SPECC1: variants seen among roughly 807,000 people sequenced by gnomAD.
SPECC1 encodes sperm antigen with calponin homology and coiled-coil domains 1.
A neutral mutation model predicts 104.1 loss-of-function variants in SPECC1; 62 were observed. The observed-to-expected ratio is 0.60, with a 90% confidence interval of 0.49 to 0.74. The LOEUF (loss-of-function observed/expected upper bound fraction) is 0.74. SPECC1 is among the 30% of genes least tolerant of loss of function. The probability of loss-of-function intolerance (pLI) is 0.00; values close to 1 mark genes in which losing one functional copy is unlikely to be tolerated. For missense variants in SPECC1, 1,306 were observed against 1,310.5 expected (o/e 1.00, Z 0.05); for synonymous variants, 513 against 501.6 (o/e 1.02, Z -0.30).
chr17:20,090,830 CTT>C (rs924313041), intron 1 of SPECC1, among the ~76,000 whole-genome samples: 2 of 152,136 alleles, frequency 1.3e-5, no homozygotes, highest in Admixed American at 1.3e-4. Flanking sequence ...TAGCCTCTCT[CTT>C]GGGTCTGCAT....
intron 1 of SPECC1, among the ~76,000 whole-genome samples, chr17:20,011,468 A>C (rs1195146293): frequency 6.6e-6 from 1 of 152,108 alleles, no homozygotes; most frequent in Non-Finnish European, 1.5e-5. Flanking sequence ...ATCTGTATGT[A>C]TCTGTATGTT....
chr17:20,014,884 A>G (rs972228322), intron 1 of SPECC1, among the ~76,000 whole-genome samples: 3 of 152,028 alleles, frequency 2.0e-5, no homozygotes, highest in Non-Finnish European at 4.4e-5. Context: ...CCTCCCAAGT[A>G]GTTGGGATTA....
intron 7 of SPECC1, among the ~76,000 whole-genome samples, chr17:20,241,886 A>C (rs2039219063): frequency 6.6e-6 from 1 of 152,228 alleles, no homozygotes; most frequent in African/African-American, 2.4e-5. Flanking sequence ...GAATGAGCAA[A>C]GGCACAGAGG....
chr17:20,298,984 G>GTGTGTGTGTGTGTGT (rs1395919924), intron 13 of SPECC1, among the ~76,000 whole-genome samples: 1,323 of 76,264 alleles, frequency 0.017, 222 homozygotes, highest in South Asian at 0.039. Flanking sequence ...TGTAGAGAGA[G>GTGTGTGTGTGTGTGT]AGAGAGAGAG....
chr17:20,137,955 G>A (rs546439223), intron 3 of SPECC1, among the ~76,000 whole-genome samples: 4 of 150,070 alleles, frequency 2.7e-5, no homozygotes, highest in East Asian at 2.0e-4. Context: ...GTGAGCCACC[G>A]TACCCAGCCC....
At chr17:20,076,558 A>G (rs1295160549) in intron 1 of SPECC1, among the ~76,000 whole-genome samples, 1 of 152,212 alleles carries the variant, frequency 6.6e-6, no homozygotes, top group Non-Finnish European at 1.5e-5. Context: ...TCCATAAGTT[A>G]TTTAACTATT....
intron 1 of SPECC1, among the ~76,000 whole-genome samples, chr17:20,035,973 G>A (rs1032812989): frequency 4.6e-5 from 7 of 151,738 alleles, no homozygotes; most frequent in African/African-American, 1.7e-4. Flanking sequence ...ACACATGCCT[G>A]GCTAATTTAT....
intron 3 of SPECC1, chr17:20,156,241 G>T (rs1366760253): frequency 7.3e-7 from 1 of 1,365,898 alleles, no homozygotes; most frequent in African/African-American, 1.5e-5. Context: ...AACCAGGTCT[G>T]TGCGGCTGGC....
chr17:20,166,661 G>A lies in SPECC1; in HGVS notation c.284-37672G>A, dbSNP rs76532176. ...AGAAAAGAAACAACAAAAGAAATCT[G>A]GGATAACCGGAGGGAGTTTTTAAAA... On this transcript the variant is annotated intron_variant, in intron 3 of 14. Transcript: ENST00000395527. 6.7e-3 allele frequency among the ~76,000 whole-genome samples: 1,019 copies of A among 152,226 alleles called. 9 individuals carry two copies. The highest frequency in any genetic ancestry group is 0.023 in the African/African-American group (962 of 41,528).
At chr17:20,154,576 C>T (rs1271338143) in intron 3 of SPECC1, among the ~76,000 whole-genome samples, 1 of 152,148 alleles carries the variant, frequency 6.6e-6, no homozygotes, top group Non-Finnish European at 1.5e-5. Flanking sequence ...TATTCAGGGC[C>T]TTGGAGGCCA....
chr17:20,071,309 C>G (rs2046542929), intron 1 of SPECC1, among the ~76,000 whole-genome samples: 1 of 152,074 alleles, frequency 6.6e-6, no homozygotes, highest in Non-Finnish European at 1.5e-5. Flanking sequence ...ATTCCTGAAC[C>G]ATGCCATTGT....
At position 20,157,081 on chromosome 17, in the gene SPECC1, AGGACTTT is replaced by A. The variant is rs879394572; in HGVS notation, c.283+46521_283+46527del. On this transcript the variant is annotated intron_variant, in intron 3 of 14. Coordinates refer to ENST00000395527, the MANE Select transcript of SPECC1 (RefSeq NM_001243439.2). ...TAATATTTGAATTTTAATTTGAATG[AGGACTTT>A]GAGGCTCTGAGAGGTGAAGCGACTT... is the stretch of plus-strand genomic sequence containing the variant. 4.5e-3 allele frequency among the ~76,000 whole-genome samples: 688 copies of A among 152,188 alleles called. 6 individuals are homozygous for A. Among genetic ancestry groups the A allele is most frequent in the Non-Finnish European group, 7.4e-3 (506 of 68,018 alleles).
chr17:20,010,224 T>G (rs2043893919), intron 1 of SPECC1: 1 of 151,858 alleles, frequency 6.6e-6, no homozygotes, highest in Admixed American at 6.6e-5. Context: ...GCACGTAAGT[T>G]TATGTAATAA....
intron 1 of SPECC1, among the ~76,000 whole-genome samples, chr17:20,035,438 A>G (rs2045030737): frequency 6.6e-6 from 1 of 152,052 alleles, no homozygotes; most frequent in East Asian, 1.9e-4. Context: ...CACGCTATTT[A>G]AGTCTTCTTT....
chr17:20,267,089 G>T (rs2040241511), intron 12 of SPECC1, among the ~76,000 whole-genome samples: 1 of 152,136 alleles, frequency 6.6e-6, no homozygotes, highest in Admixed American at 6.5e-5. Context: ...ATGTGAGTTT[G>T]CCCTCACTAC....
intron 1 of SPECC1, among the ~76,000 whole-genome samples, chr17:20,091,389 T>A (rs189844503): frequency 6.6e-6 from 1 of 152,310 alleles, no homozygotes; most frequent in East Asian, 1.9e-4. Context: ...TAGGAGCCAG[T>A]GTCCCAGGGC....
intron 1 of SPECC1, among the ~76,000 whole-genome samples, chr17:20,027,625 G>C (rs758385275): frequency 2.0e-5 from 3 of 152,108 alleles, no homozygotes; most frequent in Non-Finnish European, 4.4e-5. Context: ...TAGGGGTCTA[G>C]TTTTATTCTT....
At chr17:20,028,466 C>T (rs1385512887) in intron 1 of SPECC1, among the ~76,000 whole-genome samples, 3 of 150,504 alleles carry the variant, frequency 2.0e-5, no homozygotes, top group Non-Finnish European at 4.4e-5. Context: ...GAGATTCTAT[C>T]TCTACAAAAA....
At chr17:20,192,802 T>C (rs2035759804) in intron 3 of SPECC1, among the ~76,000 whole-genome samples, 1 of 152,224 alleles carries the variant, frequency 6.6e-6, no homozygotes, top group Non-Finnish European at 1.5e-5. Context: ...AGTGAAGTTA[T>C]GTGCTGTGAT....
Sources: allele counts gnomAD v4.1 joint callset (sites outside exome capture counted in the v4.1 genomes callset), GRCh38; gene constraint gnomAD v4.1.1; transcripts MANE v1.5; gene names NCBI Gene and HGNC (gene_info 2026-07-23, HGNC 2026-07-21).